The following NCKAP1L variants were observed in gnomAD, a reference collection of about 807,000 sequenced individuals.
NCKAP1L encodes nck-associated protein 1-like.
In NCKAP1L, 53 loss-of-function variants were observed where a neutral mutation model predicts 139.2. The ratio of observed to expected loss-of-function variants is 0.38; its 90% CI spans 0.31 to 0.48. The LOEUF (loss-of-function observed/expected upper bound fraction) is 0.48, where lower values mean the gene tolerates loss of function less well. NCKAP1L is among the 20% of genes least tolerant of loss of function. The pLI, the probability that NCKAP1L is intolerant of heterozygous loss-of-function variation, is 0.98. For synonymous variants in NCKAP1L, 468 were observed against 499.7 expected (o/e 0.94, Z 0.85); for missense variants, 1,151 against 1,381.9 (o/e 0.83, Z 2.65).
At chr12:54,510,774 G>T (rs1956882015) in intron 7 of NCKAP1L, among the ~76,000 whole-genome samples, 1 of 150,600 alleles carries the variant, frequency 6.6e-6, no homozygotes, top group South Asian at 2.1e-4. Context: ...TGTGTGCCTT[G>T]GCCTCCCAAA....
chr12:54,503,382 G>T (rs140696199), intron 3 of NCKAP1L, among the ~76,000 whole-genome samples: 8 of 151,830 alleles, frequency 5.3e-5, no homozygotes, highest in African/African-American at 1.9e-4. Flanking sequence ...AATTAATGTC[G>T]TAATTTTACA....
intron 9 of NCKAP1L, among the ~76,000 whole-genome samples, chr12:54,513,956 T>G (rs1214643732): frequency 6.9e-6 from 1 of 144,776 alleles, no homozygotes; most frequent in Non-Finnish European, 1.5e-5. Context: ...TAGTTTGATG[T>G]GCATCCTTCA....
intron 7 of NCKAP1L, 77 bp from the exon 8 acceptor site, chr12:54,511,726 C>T: frequency 2.0e-6 from 3 of 1,517,398 alleles, no homozygotes; most frequent in South Asian, 1.2e-5. Context: ...TTTTGATACT[C>T]AGATCCTAGT....
chr12:54,539,099 G>A (rs1957136815), intron 30 of NCKAP1L, 126 bp downstream of exon 30: 6 of 721,462 alleles, frequency 8.3e-6, no homozygotes. Context: ...ACTTAACTCT[G>A]CATAACCCTC....
Position 54,517,656 on chromosome 12 carries a change from A to T in NCKAP1L, c.1205+14A>T. On this transcript the variant is annotated intron_variant, in intron 12 of 30. Coordinates refer to ENST00000293373, the MANE Select transcript of NCKAP1L (RefSeq NM_005337.5). The stretch of plus-strand genomic sequence containing the variant: ...CTATGCTGACTCGTTAGTACTTGAC[A>T]TGGCTAAGAACCTTGTCCTTAGATG... 6.2e-7 allele frequency: 1 copy of T among 1,601,790 alleles called. No homozygotes were observed. Among genetic ancestry groups the T allele is most frequent in the Non-Finnish European group, 8.6e-7 (1 of 1,168,744 alleles).
At chr12:54,535,976 T>G (rs1013421868) in intron 27 of NCKAP1L, among the ~76,000 whole-genome samples, 153 bp from the exon 28 acceptor site, 16 of 152,238 alleles carry the variant, frequency 1.1e-4, no homozygotes, top group Admixed American at 4.6e-4. Context: ...GAAAATTAAG[T>G]AATAACTTGC....
chr12:54,536,939 C>A lies in NCKAP1L; in HGVS notation c.3074-5C>A. On this transcript the variant is annotated splice_polypyrimidine_tract_variant and splice_region_variant and intron_variant, in intron 28 of 30. Coordinates refer to ENST00000293373, the MANE Select transcript of NCKAP1L (RefSeq NM_005337.5). The stretch of plus-strand genomic sequence containing the variant: ...TTCTCTCCATCTATATCAATAATAA[C>A]CTAGGTTACAACAACAATATTCATT... The A allele has an allele frequency of 1.9e-6, 3 of 1,584,110 alleles. No individual in the cohort carries two copies. The highest frequency in any genetic ancestry group is 1.7e-6 in the Non-Finnish European group (2 of 1,157,116).
At chr12:54,528,919 G>A (rs533429193) in intron 22 of NCKAP1L, among the ~76,000 whole-genome samples, 1 of 152,236 alleles carries the variant, frequency 6.6e-6, no homozygotes, top group East Asian at 1.9e-4. Flanking sequence ...ACAGGCATGA[G>A]CCACCACCCC....
intron 3 of NCKAP1L, among the ~76,000 whole-genome samples, chr12:54,504,187 T>C (rs577999098): frequency 1.8e-4 from 28 of 152,272 alleles, no homozygotes; most frequent in Non-Finnish European, 3.1e-4. Flanking sequence ...AATAAACATG[T>C]ATTATTTATG....
chr12:54,504,197 G>A (rs893101819), intron 3 of NCKAP1L, among the ~76,000 whole-genome samples: 3 of 152,160 alleles, frequency 2.0e-5, no homozygotes, highest in East Asian at 1.9e-4. Context: ...TATTATTTAT[G>A]TATTCAAGAA....
chr12:54,521,386 C>A, intron 18 of NCKAP1L, 148 bp downstream of exon 18: 1 of 1,097,926 alleles, frequency 9.1e-7, no homozygotes, highest in Non-Finnish European at 1.3e-6. Flanking sequence ...GAGTTTATGG[C>A]AGAATTCTTT....
At chr12:54,538,719 T>C (rs1332836878) in intron 29 of NCKAP1L, among the ~76,000 whole-genome samples, 165 bp from the exon 30 acceptor site, 1 of 152,242 alleles carries the variant, frequency 6.6e-6, no homozygotes, top group Non-Finnish European at 1.5e-5. Flanking sequence ...ATAGGCAACA[T>C]GTATCTCTGA....
At chr12:54,511,709 A>T in intron 7 of NCKAP1L, 94 bp from the exon 8 acceptor site, 1 of 1,422,184 alleles carries the variant, frequency 7.0e-7, no homozygotes, top group Non-Finnish European at 9.7e-7. Context: ...CCCTTGCCAA[A>T]AGTTAGTTTT....
Position 54,502,350 on chromosome 12 carries a change from T to C in NCKAP1L, c.306+1725T>C, listed in dbSNP as rs572674952. ...AGGGAAGCTCAACCTGTATAAACTA[T>C]ATATCTTTGCATTATTTGAGCTTTA... On this transcript the variant is annotated intron_variant, in intron 3 of 30. Transcript: ENST00000293373. Among the ~76,000 whole-genome samples the C allele has an allele frequency of 1.2e-4, 18 of 152,358 alleles. No homozygotes were observed. The East Asian group carries it at 2.7e-3, about 23-fold the overall frequency.
chr12:54,539,215 TG>T (rs1380897333), intron 30 of NCKAP1L, among the ~76,000 whole-genome samples: 1 of 152,370 alleles, frequency 6.6e-6, no homozygotes, highest in East Asian at 1.9e-4. Context: ...GCCCCTAAGC[TG>T]GCTGGGCCCA....
rs1957186719 is a variant in NCKAP1L at position 54,544,876 on chromosome 12, G to C, written c.*2191G>C. On this transcript the variant is annotated 3_prime_UTR_variant, in exon 31 of 31. Coordinates refer to ENST00000293373, the MANE Select transcript of NCKAP1L (RefSeq NM_005337.5). The stretch of plus-strand genomic sequence containing the variant: ...TAGCCGGGCGTGGTGGTGCATGCCT[G>C]TAGTCCCACTACTCAGGAGGCTGAG... The C allele has an allele frequency of 6.6e-6, 1 of 152,350 alleles. No homozygotes were observed. The highest frequency in any genetic ancestry group is 2.4e-5 in the African/African-American group (1 of 41,570). The allele number at this position is 152,350 out of a possible 1,614,324, so 9.4% of individuals were successfully genotyped here.
chr12:54,520,921 G>T (rs953787086), intron 17 of NCKAP1L, 95 bp downstream of exon 17: 4 of 1,551,614 alleles, frequency 2.6e-6, no homozygotes, highest in South Asian at 1.1e-5. Context: ...TCCCAGAAAG[G>T]GTATAAACAT....
At chr12:54,529,869 T>C (rs1182540166) in intron 22 of NCKAP1L, among the ~76,000 whole-genome samples, 1 of 151,936 alleles carries the variant, frequency 6.6e-6, no homozygotes, top group African/African-American at 2.4e-5. Flanking sequence ...AAGACTGGAG[T>C]AAGGAGCTTT....
In NCKAP1L at chr12:54,543,348, C is replaced by G. The variant is rs1468461175; in HGVS notation, c.*663C>G. On this transcript the variant is annotated 3_prime_UTR_variant, in exon 31 of 31. Coordinates refer to ENST00000293373, the MANE Select transcript of NCKAP1L (RefSeq NM_005337.5). ...CCCTTCAGAGATGTTCACTGCCCAC[C>G]TACTCTACTACATTGTTTGTTACAA... The G allele has an allele frequency of 2.6e-5, 4 of 152,210 alleles. No individual in the cohort carries two copies. Among genetic ancestry groups the G allele is most frequent in the African/African-American group, 9.7e-5 (4 of 41,428 alleles). The allele number at this position is 152,210 out of a possible 1,614,324, so 9.4% of individuals were successfully genotyped here.
Sources: gnomAD v4.1 joint callset for allele counts (sites outside exome capture counted in the v4.1 genomes callset) on GRCh38, gnomAD v4.1.1 for gene constraint, MANE v1.5 for transcripts, NCBI Gene and HGNC (gene_info 2026-07-23, HGNC 2026-07-21) for gene names.